The following ATXN10 variants were observed in gnomAD, a reference collection of about 807,000 sequenced individuals.
The protein encoded by ATXN10 is ataxin 10, also known as ataxin-10.
ATXN10 carries 28 observed loss-of-function variants against 52.9 expected under a neutral mutation model. The ratio of observed to expected loss-of-function variants is 0.53; its 90% CI spans 0.39 to 0.73. The LOEUF (loss-of-function observed/expected upper bound fraction) is 0.73, where lower values mean the gene tolerates loss of function less well. Ranked by LOEUF, ATXN10 falls within the 30% of genes least tolerant of loss-of-function variation. ATXN10 has a pLI of 0.00. For synonymous variants in ATXN10, 226 were observed against 221.5 expected (o/e 1.02, Z -0.18); for missense variants, 565 against 577.0 (o/e 0.98, Z 0.21).
At chr22:45,724,132 G>T (rs1924774340) in intron 6 of ATXN10, among the ~76,000 whole-genome samples, 1 of 152,018 alleles carries the variant, frequency 6.6e-6, no homozygotes, top group South Asian at 2.1e-4. Context: ...ATTGTGAATT[G>T]TTCTGTGATA....
intron 9 of ATXN10, among the ~76,000 whole-genome samples, chr22:45,785,769 G>A (rs1480898298): frequency 6.6e-6 from 1 of 152,250 alleles, no homozygotes; most frequent in East Asian, 1.9e-4. Context: ...GAGGCTGAGA[G>A]TCAGAGACAG....
Position 45,696,571 on chromosome 22 carries a change from C to A in ATXN10, c.391+3493C>A, listed in dbSNP as rs1923614176. ...GCAGAAGCTTTTCTCCTGAAATTAT[C>A]CCCTTGCTCTCAGGCAGCCTCTGTT... On this transcript the variant is annotated intron_variant, in intron 3 of 11. Transcript: ENST00000252934. This position sits in a 1 kb window ranked among gnomAD's most constrained non-coding sequence, Gnocchi z 4.7. Among the ~76,000 whole-genome samples the A allele has an allele frequency of 6.6e-6, 1 of 152,224 alleles. No homozygotes were observed. The highest frequency in any genetic ancestry group is 2.4e-5 in the African/African-American group (1 of 41,468).
At chr22:45,730,284 C>T (rs766849518) in intron 7 of ATXN10, among the ~76,000 whole-genome samples, 5 of 143,310 alleles carry the variant, frequency 3.5e-5, no homozygotes, top group Admixed American at 7.3e-5. Context: ...GTTGAGGCTG[C>T]GGTGAGCCAT....
Position 45,677,289 on chromosome 22 carries a change from G to A in ATXN10, c.116+5110G>A, listed in dbSNP as rs896573157. 3 of 152,164 alleles carry A rather than the reference G, an allele frequency of 2.0e-5. No homozygotes were observed. The highest frequency in any genetic ancestry group is 7.2e-5 in the African/African-American group (3 of 41,440). 9.4% of individuals were successfully genotyped at this position (152,164 alleles called of 1,614,324 possible). On this transcript the variant is annotated intron_variant, in intron 1 of 11. Coordinates refer to ENST00000252934, the MANE Select transcript of ATXN10 (RefSeq NM_013236.4). This position sits in a 1 kb window ranked among gnomAD's most constrained non-coding sequence, Gnocchi z 4.1. The stretch of plus-strand genomic sequence containing the variant: ...CTGTATGCCTGGCATCTAGCATAGA[G>A]TTGATAGTGGCAGATGCTTATCAGT...
chr22:45,691,054 G>A (rs1923354469), intron 2 of ATXN10, among the ~76,000 whole-genome samples: 1 of 152,150 alleles, frequency 6.6e-6, no homozygotes, highest in African/African-American at 2.4e-5. Context: ...AAAGGAGAGA[G>A]GGTAAAAAGT....
chr22:45,842,716 T>C lies in ATXN10; in HGVS notation c.1238-275T>C, dbSNP rs536842206. Reference sequence around the variant, plus strand: ...CTACTCTAAGTCTTTGCTTCCTTGTTCATTCATTCAACAAATACTGAGTAA... The same window carrying C: ...CTACTCTAAGTCTTTGCTTCCTTGTCCATTCATTCAACAAATACTGAGTAA... On this transcript the variant is annotated intron_variant, in intron 10 of 11. Transcript: ENST00000252934. This position sits in a 1 kb window ranked among gnomAD's most constrained non-coding sequence, Gnocchi z 4.8. Among the ~76,000 whole-genome samples, 1 of 152,314 alleles carries C rather than the reference T, an allele frequency of 6.6e-6. No individual in the cohort carries two copies. Among genetic ancestry groups the C allele is most frequent in the South Asian group, 2.1e-4 (1 of 4,816 alleles).
At chr22:45,752,367 T>C (rs1029942279) in intron 9 of ATXN10, among the ~76,000 whole-genome samples, 1 of 152,220 alleles carries the variant, frequency 6.6e-6, no homozygotes, top group Non-Finnish European at 1.5e-5. Context: ...AGTAGAAAAG[T>C]ACCTAAGTGC....
Position 45,705,114 on chromosome 22 carries a change from A to G in ATXN10, c.647+2267A>G, listed in dbSNP as rs141209672. ...ACTTTGGATTCCTGAGATAAATCCT[A>G]CTTGTTCATAGTGTATAATCCTTTT... On this transcript the variant is annotated intron_variant, in intron 5 of 11. Transcript: ENST00000252934. This position sits in a 1 kb window ranked among gnomAD's most constrained non-coding sequence, Gnocchi z 5.2. Among the ~76,000 whole-genome samples, 146 of 152,306 alleles carry G rather than the reference A, an allele frequency of 9.6e-4. No individual in the cohort carries two copies. Among genetic ancestry groups the G allele is most frequent in the African/African-American group, 2.9e-3 (120 of 41,566 alleles).
chr22:45,843,558 T>A lies in ATXN10; in HGVS notation c.1426-111T>A, dbSNP rs111756883. ...TTGCATGAATTGTTTTAGGTTTCTC[T>A]AAGTTATTTGTCACCACTGACCAAA... On this transcript the variant is annotated intron_variant, in intron 11 of 11. Coordinates refer to ENST00000252934, the MANE Select transcript of ATXN10 (RefSeq NM_013236.4). The surrounding 1 kb of genome is among the most constrained non-coding windows in gnomAD (Gnocchi z 4.5). 5.2e-6 allele frequency: 5 copies of A among 964,432 alleles called. No individual in the cohort carries two copies. Among genetic ancestry groups the A allele is most frequent in the Non-Finnish European group, 8.2e-6 (5 of 606,170 alleles). The allele number at this position is 964,432 out of a possible 1,614,324, so 59.7% of individuals were successfully genotyped here.
chr22:45,709,223 G>A (rs986434077), intron 5 of ATXN10, among the ~76,000 whole-genome samples: 28 of 152,150 alleles, frequency 1.8e-4, no homozygotes, highest in African/African-American at 4.6e-4. Flanking sequence ...GGCACTTAGC[G>A]CATTTAATTG....
chr22:45,709,353 A>G (rs950151275), intron 5 of ATXN10, among the ~76,000 whole-genome samples: 2 of 152,242 alleles, frequency 1.3e-5, no homozygotes, highest in Non-Finnish European at 2.9e-5. Flanking sequence ...TCTGAATCTA[A>G]GTGACTGAAG....
chr22:45,689,673 C>A, intron 1 of ATXN10, 39 bp from the exon 2 acceptor site: 9 of 1,576,874 alleles, frequency 5.7e-6, no homozygotes, highest in Non-Finnish European at 6.1e-6. Flanking sequence ...AAATCATAAT[C>A]TTTTTTTTCT....
chr22:45,734,120 C>A (rs1925195850), intron 7 of ATXN10, among the ~76,000 whole-genome samples: 2 of 151,874 alleles, frequency 1.3e-5, no homozygotes, highest in South Asian at 4.2e-4. Flanking sequence ...TAGTGAACAT[C>A]CTTGTACAAA....
At chr22:45,722,558 C>T (rs1924697257) in intron 6 of ATXN10, among the ~76,000 whole-genome samples, 1 of 152,178 alleles carries the variant, frequency 6.6e-6, no homozygotes, top group South Asian at 2.1e-4. Flanking sequence ...CATCTTGTAA[C>T]CATATAATAA....
intron 1 of ATXN10, chr22:45,673,061 C>T (rs929332589): frequency 6.6e-6 from 1 of 152,188 alleles, no homozygotes; most frequent in African/African-American, 2.4e-5. Flanking sequence ...CAGTACCTCC[C>T]TGGTGATAGT....
intron 1 of ATXN10, among the ~76,000 whole-genome samples, chr22:45,686,383 C>G (rs937599582): frequency 6.6e-6 from 1 of 152,082 alleles, no homozygotes; most frequent in Non-Finnish European, 1.5e-5. Context: ...ACAGTCTAGC[C>G]GGGGAGATAG....
intron 6 of ATXN10, among the ~76,000 whole-genome samples, chr22:45,722,629 C>A (rs1384221669): frequency 6.6e-6 from 1 of 152,120 alleles, no homozygotes; most frequent in African/African-American, 2.4e-5. Flanking sequence ...AGGAGGCTGG[C>A]CTGTGTGTCA....
Position 45,693,013 on chromosome 22 carries a change from G to T in ATXN10, c.326G>T (p.Gly109Val). Residue 109 changes from glycine (G) to valine (V), a missense_variant, in exon 3 of 12, where the codon GGT (glycine) becomes GTT (valine). Physicochemically the swap from Gly to Val is moderately radical, Grantham distance 109 (BLOSUM62 -3). Coordinates refer to ENST00000252934, the MANE Select transcript of ATXN10 (RefSeq NM_013236.4). Reference sequence around the variant, plus strand: ...AAACCCAGGAACTTGGATACGATTGGTGTTGCTGTTGATTTGATTCTTCTG... The same window carrying T: ...AAACCCAGGAACTTGGATACGATTGTTGTTGCTGTTGATTTGATTCTTCTG... ...QNSIRNLDTIGVAVDLILLFR... is the reference protein window; with the variant it reads ...QNSIRNLDTIVVAVDLILLFR... The T allele has an allele frequency of 6.2e-7, 1 of 1,614,086 alleles. No individual in the cohort carries two copies. The highest frequency in any genetic ancestry group is 8.5e-7 in the Non-Finnish European group (1 of 1,179,974).
chr22:45,838,007 TTAAG>T (rs1186479904), intron 10 of ATXN10, among the ~76,000 whole-genome samples: 1 of 152,228 alleles, frequency 6.6e-6, no homozygotes, highest in African/African-American at 2.4e-5. Flanking sequence ...GTAGAGGACT[TTAAG>T]TAGCACTGAT....
Sources: allele counts gnomAD v4.1 joint callset (sites outside exome capture counted in the v4.1 genomes callset), GRCh38; gene constraint gnomAD v4.1.1; non-coding constraint Gnocchi (gnomAD v3.1); transcripts MANE v1.5; gene names NCBI Gene and HGNC (gene_info 2026-07-23, HGNC 2026-07-21).